ZMAT5: variants seen among roughly 807,000 people sequenced by gnomAD.
The protein encoded by ZMAT5 is zinc finger matrin-type protein 5.
A neutral mutation model predicts 28.0 loss-of-function variants in ZMAT5; 23 were observed. The observed-to-expected ratio is 0.82, with a 90% CI of 0.59 to 1.16. The LOEUF (loss-of-function observed/expected upper bound fraction) is 1.16, where lower values mean the gene tolerates loss of function less well. Among genes scored for constraint, ZMAT5 ranks in the 50% most tolerant of loss-of-function variants. ZMAT5 has a pLI of 0.00. For synonymous variants in ZMAT5, 76 were observed against 84.1 expected, an observed-to-expected ratio of 0.90 and a Z score of 0.52; for missense variants, 173 against 212.7, an observed-to-expected ratio of 0.81 and a Z score of 1.16.
chr22:29,756,158 A>AT (rs2068099681), intron 1 of ZMAT5, among the ~76,000 whole-genome samples: 1 of 152,284 alleles, frequency 6.6e-6, no homozygotes, highest in South Asian at 2.1e-4. Context: ...CTCACCTGTT[A>AT]TTTTTTCTAA....
rs746041970 is a variant in ZMAT5 at position 29,738,417 on chromosome 22, A to G, written c.296T>C (p.Leu99Pro). Reference protein sequence around the residue: ...VEEERRAREWLLDAPELPEGH... With the variant: ...VEEERRAREWPLDAPELPEGH... ...CTCGGGGAGCTCAGGAGCATCTAGT[A>G]GCCACTCCCTGGCTCGCCTCTCCTC... Residue 99 changes from leucine to proline, a missense_variant, in exon 5 of 6, where the codon CTA becomes CCA. By Grantham distance (98) the Leu-to-Pro change is moderately conservative (BLOSUM62 -3). Transcript: ENST00000344318. 6.2e-7 allele frequency: 1 copy of G among 1,610,664 alleles called. No homozygotes were observed.
intron 2 of ZMAT5, chr22:29,747,802 C>T: frequency 6.1e-6 from 1 of 163,252 alleles, no homozygotes; most frequent in East Asian, 1.7e-4. Flanking sequence ...CTTCCTTCTG[C>T]AACTGGGTTA....
At chr22:29,754,088 C>T (rs1391800672) in intron 1 of ZMAT5, among the ~76,000 whole-genome samples, 1 of 152,060 alleles carries the variant, frequency 6.6e-6, no homozygotes, top group African/African-American at 2.4e-5. Flanking sequence ...ACTTGGCAGC[C>T]GAGGAGGGGT....
In ZMAT5 at chr22:29,731,337, G is replaced by A; in HGVS notation, c.401C>T (p.Thr134Ile). The A allele has an allele frequency of 6.5e-7, 1 of 1,541,824 alleles. No homozygotes were observed. Among genetic ancestry groups the A allele is most frequent in the Non-Finnish European group, 8.7e-7 (1 of 1,153,740 alleles). Residue 134 changes from threonine to isoleucine, a missense_variant, in exon 6 of 6, where the codon ACC becomes ATC. Physicochemically the swap from Thr to Ile is moderately conservative, Grantham distance 89. Coordinates refer to ENST00000344318, the MANE Select transcript of ZMAT5 (RefSeq NM_001003692.2). ...APSSRAEPIR[T>I]TVFQYPVGWP... ...GCCCACGGGGTACTGGAAGACAGTG[G>A]TTCTGATGGGTTCAGCCCTAGAGAG...
chr22:29,741,892 A>G (rs2067966380), intron 3 of ZMAT5, among the ~76,000 whole-genome samples: 1 of 152,136 alleles, frequency 6.6e-6, no homozygotes, highest in Non-Finnish European at 1.5e-5. Flanking sequence ...GGCCTCAAGC[A>G]TTCCTTCCAC....
chr22:29,749,751 G>A (rs1379819737), intron 1 of ZMAT5, among the ~76,000 whole-genome samples: 1 of 152,112 alleles, frequency 6.6e-6, no homozygotes, highest in Non-Finnish European at 1.5e-5. Context: ...ACATGGGGGT[G>A]GTTTCCCCCA....
At chr22:29,742,390 G>A in intron 3 of ZMAT5, 28 bp downstream of exon 3, 1 of 1,610,852 alleles carries the variant, frequency 6.2e-7, no homozygotes, top group Non-Finnish European at 8.5e-7. Context: ...GGTCCCCGCA[G>A]GGACCTGAGC....
At chr22:29,744,796 T>C (rs1408898612) in intron 2 of ZMAT5, among the ~76,000 whole-genome samples, 5 of 152,314 alleles carry the variant, frequency 3.3e-5, no homozygotes, top group East Asian at 3.9e-4. Context: ...TTTTAATTCA[T>C]TGGAAGGGAG....
intron 1 of ZMAT5, among the ~76,000 whole-genome samples, chr22:29,757,948 C>T (rs947630182): frequency 1.3e-5 from 2 of 150,502 alleles, no homozygotes; most frequent in Admixed American, 6.6e-5. Flanking sequence ...ACCTGGGAGA[C>T]GGAGGTTGCA....
At chr22:29,745,304 G>C (rs1405638401) in intron 2 of ZMAT5, among the ~76,000 whole-genome samples, 1 of 152,220 alleles carries the variant, frequency 6.6e-6, no homozygotes, top group African/African-American at 2.4e-5. Flanking sequence ...TGTCTACAGA[G>C]GGGACAGCTT....
In ZMAT5 at chr22:29,731,512, G is replaced by A. The variant is rs1405383839; in HGVS notation, c.384-158C>T. The A allele has an allele frequency of 1.8e-5, 17 of 961,936 alleles. No homozygotes were observed. In the East Asian group the frequency reaches 3.2e-4, roughly 18 times the overall value. The allele number at this position is 961,936 out of a possible 1,614,324, so 59.6% of individuals were successfully genotyped here. ...AGCCTCGAAAATAGGCAGACCGTTT[G>A]AGCCAGCGACCTCACCTCTAGGAAC... On this transcript the variant is annotated intron_variant, in intron 5 of 5. Coordinates refer to ENST00000344318, the MANE Select transcript of ZMAT5 (RefSeq NM_001003692.2).
At chr22:29,763,500 GC>G (rs1221754896) in intron 1 of ZMAT5, among the ~76,000 whole-genome samples, 2 of 151,330 alleles carry the variant, frequency 1.3e-5, no homozygotes, top group Non-Finnish European at 2.9e-5. Flanking sequence ...TACTCAGGAG[GC>G]TGAGGCAGGA....
At chr22:29,733,336 C>T (rs1437120614) in intron 5 of ZMAT5, among the ~76,000 whole-genome samples, 1 of 152,178 alleles carries the variant, frequency 6.6e-6, no homozygotes, top group Non-Finnish European at 1.5e-5. Context: ...GGCCTCTGAC[C>T]TCCGAGGGGG....
intron 1 of ZMAT5, among the ~76,000 whole-genome samples, chr22:29,758,462 G>T (rs1234272726): frequency 2.0e-5 from 3 of 151,824 alleles, no homozygotes; most frequent in Admixed American, 2.0e-4. Flanking sequence ...CAAACAGTTT[G>T]TTTTTTTTAA....
At chr22:29,759,503 T>C (rs776789757) in intron 1 of ZMAT5, among the ~76,000 whole-genome samples, 2 of 152,154 alleles carry the variant, frequency 1.3e-5, no homozygotes, top group African/African-American at 2.4e-5. Context: ...ATGCAGTGAC[T>C]CACACCTGTA....
At chr22:29,762,374 A>AT (rs2068165526) in intron 1 of ZMAT5, among the ~76,000 whole-genome samples, 2 of 152,258 alleles carry the variant, frequency 1.3e-5, no homozygotes, top group Admixed American at 1.3e-4. Flanking sequence ...GTACGGGTCC[A>AT]TGGCCTGTCA....
In ZMAT5 at chr22:29,765,714, A is replaced by G. The variant is rs7288777; in HGVS notation, c.-28+1158T>C. On this transcript the variant is annotated intron_variant, in intron 1 of 5. Transcript: ENST00000344318. ...GTGAAACCCTGTCTCTACTAAAAAA[A>G]AAAATTAGCCAGGCATGGTGGCAGG... Among the ~76,000 whole-genome samples the G allele has an allele frequency of 1.0e-3, 154 of 152,104 alleles. 3 individuals carry two copies. In the South Asian group the frequency reaches 0.018, roughly 17 times the overall value.
At chr22:29,752,531 A>G (rs1263528374) in intron 1 of ZMAT5, among the ~76,000 whole-genome samples, 1 of 152,144 alleles carries the variant, frequency 6.6e-6, no homozygotes, top group South Asian at 2.1e-4. Flanking sequence ...GGATGGGTCA[A>G]CACGACCCCA....
intron 5 of ZMAT5, chr22:29,731,559 G>A (rs1280001806): frequency 5.3e-6 from 3 of 564,280 alleles, no homozygotes; most frequent in Non-Finnish European, 5.8e-6. Flanking sequence ...AAATAGCGGG[G>A]TTGCAGGCAG....
Sources: gnomAD v4.1 joint callset for allele counts (sites outside exome capture counted in the v4.1 genomes callset) on GRCh38, gnomAD v4.1.1 for gene constraint, MANE v1.5 for transcripts, NCBI Gene and HGNC (gene_info 2026-07-23, HGNC 2026-07-21) for gene names.